PTPRR: variants seen among roughly 807,000 people sequenced by gnomAD.
PTPRR encodes the protein receptor-type tyrosine-protein phosphatase R.
In PTPRR, 38 loss-of-function variants were observed where a neutral mutation model predicts 77.2. The ratio of observed to expected loss-of-function variants is 0.49; its 90% CI spans 0.38 to 0.65. The LOEUF (loss-of-function observed/expected upper bound fraction) is 0.65, where lower values mean the gene tolerates loss of function less well. PTPRR is among the 30% of genes least tolerant of loss of function. The probability of loss-of-function intolerance (pLI) is 0.00; values close to 1 mark genes in which losing one functional copy is unlikely to be tolerated. For missense variants in PTPRR, 744 were observed against 799.2 expected, an observed-to-expected ratio of 0.93 and a Z score of 0.83; for synonymous variants, 299 against 283.1, an observed-to-expected ratio of 1.06 and a Z score of -0.57.
At chr12:70,770,757 A>G (rs1394092296) in intron 2 of PTPRR, among the ~76,000 whole-genome samples, 1 of 152,172 alleles carries the variant, frequency 6.6e-6, no homozygotes, top group Admixed American at 6.5e-5. Context: ...AACCACCCAA[A>G]TGTCCAACAA....
intron 2 of PTPRR, among the ~76,000 whole-genome samples, chr12:70,804,260 T>C (rs1891670304): frequency 6.6e-6 from 1 of 151,854 alleles, no homozygotes; most frequent in East Asian, 1.9e-4. Flanking sequence ...TTCTTTACCA[T>C]TTGAAGACCT....
At chr12:70,642,003 C>T (rs912104389) in intron 13 of PTPRR, among the ~76,000 whole-genome samples, 2 of 152,142 alleles carry the variant, frequency 1.3e-5, no homozygotes, top group African/African-American at 4.8e-5. Context: ...ACTCTAGTCT[C>T]CCTCTTCTAC....
chr12:70,646,353 A>C (rs374930302), intron 13 of PTPRR, among the ~76,000 whole-genome samples: 95 of 152,336 alleles, frequency 6.2e-4, no homozygotes, highest in African/African-American at 2.0e-3. Flanking sequence ...GGTATTTTGA[A>C]CATAGACACC....
chr12:70,640,777 A>G (rs1460173495), intron 13 of PTPRR, among the ~76,000 whole-genome samples: 1 of 152,202 alleles, frequency 6.6e-6, no homozygotes, highest in African/African-American at 2.4e-5. Flanking sequence ...CTGGGCTTCT[A>G]TGTTTATTTG....
chr12:70,805,168 A>G (rs983865411), intron 2 of PTPRR, among the ~76,000 whole-genome samples: 1 of 152,098 alleles, frequency 6.6e-6, no homozygotes, highest in African/African-American at 2.4e-5. Context: ...TAAATATTTT[A>G]AAACATTTAA....
chr12:70,744,304 C>A (rs368592061), intron 6 of PTPRR, among the ~76,000 whole-genome samples: 23 of 152,246 alleles, frequency 1.5e-4, no homozygotes, highest in African/African-American at 5.3e-4. Flanking sequence ...GGAGAAAGTT[C>A]CATTTTCTCT....
At chr12:70,785,067 GT>G (rs762203603) in intron 2 of PTPRR, among the ~76,000 whole-genome samples, 1 of 152,154 alleles carries the variant, frequency 6.6e-6, no homozygotes, top group Non-Finnish European at 1.5e-5. Flanking sequence ...TTTAAGAACA[GT>G]TTTTGAATTC....
chr12:70,811,446 A>C (rs1444849198), intron 2 of PTPRR, among the ~76,000 whole-genome samples: 3 of 152,150 alleles, frequency 2.0e-5, no homozygotes, highest in Non-Finnish European at 4.4e-5. Flanking sequence ...CTGAGAAAAA[A>C]CTGCCTGCAA....
intron 6 of PTPRR, among the ~76,000 whole-genome samples, chr12:70,743,349 A>C (rs558466738): frequency 6.6e-6 from 1 of 152,302 alleles, no homozygotes; most frequent in South Asian, 2.1e-4. Context: ...AAGCAATGAG[A>C]ATGAAAGGTG....
intron 6 of PTPRR, among the ~76,000 whole-genome samples, chr12:70,733,438 A>AAAAGAAAG (rs1474041166): frequency 1.1e-5 from 1 of 94,156 alleles, no homozygotes; most frequent in Non-Finnish European, 2.2e-5. Context: ...AAAAAAAAAA[A>AAAAGAAAG]AAAAAAAGAA....
chr12:70,791,588 A>C (rs1325124247), intron 2 of PTPRR, among the ~76,000 whole-genome samples: 7 of 152,180 alleles, frequency 4.6e-5, no homozygotes, highest in Non-Finnish European at 1.0e-4. Flanking sequence ...TGTTTTGCTT[A>C]CTGATGATCC....
At chr12:70,673,023 GGCCAAA>G (rs1468841220) in intron 10 of PTPRR, 3 of 1,161,420 alleles carry the variant, frequency 2.6e-6, no homozygotes, top group African/African-American at 2.2e-5. Context: ...AAATACGTCG[GGCCAAA>G]GCAAAAAAAA....
intron 2 of PTPRR, among the ~76,000 whole-genome samples, chr12:70,802,518 G>A (rs1891635451): frequency 6.6e-6 from 1 of 152,162 alleles, no homozygotes; most frequent in South Asian, 2.1e-4. Context: ...CAAATGTACT[G>A]TTACACTTTT....
intron 10 of PTPRR, among the ~76,000 whole-genome samples, chr12:70,667,593 G>A (rs1887058728): frequency 6.6e-6 from 1 of 152,066 alleles, no homozygotes; most frequent in South Asian, 2.1e-4. Flanking sequence ...TCATGCTTGT[G>A]GTGGCTTTGG....
At chr12:70,864,023 A>G (rs1405523047) in intron 2 of PTPRR, among the ~76,000 whole-genome samples, 1 of 152,218 alleles carries the variant, frequency 6.6e-6, no homozygotes, top group African/African-American at 2.4e-5. Flanking sequence ...GCAGAAGAGG[A>G]AAGTTGTAAA....
intron 6 of PTPRR, among the ~76,000 whole-genome samples, chr12:70,736,009 G>A (rs1160455639): frequency 6.6e-6 from 1 of 152,170 alleles, no homozygotes; most frequent in African/African-American, 2.4e-5. Context: ...TATTATGCAG[G>A]ATGTTTGAAC....
intron 7 of PTPRR, among the ~76,000 whole-genome samples, chr12:70,700,517 C>G (rs560777297): frequency 6.6e-6 from 1 of 152,174 alleles, no homozygotes; most frequent in Non-Finnish European, 1.5e-5. Flanking sequence ...ACACGAATAT[C>G]AATCCCTGAC....
chr12:70,646,631 T>G (rs1349092990), intron 13 of PTPRR, among the ~76,000 whole-genome samples: 3 of 152,180 alleles, frequency 2.0e-5, no homozygotes, highest in Non-Finnish European at 2.9e-5. Context: ...GGAATTATAA[T>G]GTCAAGTAAA....
chr12:70,684,744 G>T lies in PTPRR; in HGVS notation c.1319C>A (p.Thr440Asn). The T allele has an allele frequency of 3.1e-6, 5 of 1,607,888 alleles. No homozygotes were observed. The highest frequency in any genetic ancestry group is 4.3e-6 in the Non-Finnish European group (5 of 1,175,696). ...SRVCLRPKNVTDSLSTYINAN... is the reference protein window; with the variant it reads ...SRVCLRPKNVNDSLSTYINAN... ...ATTAATGTAGGTGCTCAATGAATCG[G>T]TTACATTTTTTGGTCTTAAACACAC... Residue 440 changes from threonine to asparagine, a missense_variant, in exon 9 of 14, where the codon ACC becomes AAC. Physicochemically the swap from Thr to Asn is moderately conservative, Grantham distance 65. This residue lies in a region of PTPRR where 570 missense variants were observed against 573.2 expected (regional missense o/e 0.99). Coordinates refer to ENST00000283228, the MANE Select transcript of PTPRR (RefSeq NM_002849.4).
Sources: allele counts gnomAD v4.1 joint callset (sites outside exome capture counted in the v4.1 genomes callset), GRCh38; gene constraint gnomAD v4.1.1; regional missense constraint gnomAD v4.1.1; transcripts MANE v1.5; gene names NCBI Gene and HGNC (gene_info 2026-07-23, HGNC 2026-07-21).